The following SLC6A5 variants were observed in gnomAD, a reference collection of about 807,000 sequenced individuals.
The protein encoded by SLC6A5 is sodium- and chloride-dependent glycine transporter 2.
In SLC6A5, 58 loss-of-function variants were observed where a neutral mutation model predicts 90.5. The observed-to-expected ratio is 0.64, with a 90% CI of 0.52 to 0.80. SLC6A5 has a LOEUF of 0.80. Among genes scored for constraint, SLC6A5 ranks in the 30% least tolerant of loss-of-function variants. The pLI, the probability that SLC6A5 is intolerant of heterozygous loss-of-function variation, is 0.00. For missense variants in SLC6A5, 1,015 were observed against 1,017.6 expected (o/e 1.00, Z 0.03); for synonymous variants, 427 against 401.4 (o/e 1.06, Z -0.76).
rs867175745 is a variant in SLC6A5, at chr11:20,603,859, T to C, written c.541-427T>C. On this transcript the variant is annotated intron_variant, in intron 2 of 15. Coordinates refer to ENST00000525748, the MANE Select transcript of SLC6A5 (RefSeq NM_004211.5). ...GGGAGAGGGTTAATTAGGAACCTGC[T>C]TGCTGGGAACTCCAGGCATGATGTT... Among the ~76,000 whole-genome samples the C allele has an allele frequency of 2.4e-4, 36 of 152,190 alleles. 1 individual carries two copies. Among genetic ancestry groups the C allele is most frequent in the Middle Eastern group, 6.8e-3 (2 of 294 alleles).
chr11:20,617,050 G>T (rs1852795848), intron 6 of SLC6A5, among the ~76,000 whole-genome samples: 1 of 152,198 alleles, frequency 6.6e-6, no homozygotes. Context: ...CTTTCCTCAG[G>T]GGTGGGGCTG....
chr11:20,631,376 G>A (rs146174232), intron 10 of SLC6A5, among the ~76,000 whole-genome samples: 2 of 152,328 alleles, frequency 1.3e-5, no homozygotes, highest in East Asian at 3.9e-4. Flanking sequence ...GTTGGATCGT[G>A]CTGGGTGGGT....
chr11:20,607,415 C>T, intron 4 of SLC6A5, 64 bp from the exon 5 acceptor site: 1 of 1,588,860 alleles, frequency 6.3e-7, no homozygotes, highest in Non-Finnish European at 8.6e-7. Flanking sequence ...CCACCCTATG[C>T]CCAACTCTAA....
At chr11:20,641,125 C>T (rs533343211) in intron 13 of SLC6A5, among the ~76,000 whole-genome samples, 18 of 152,178 alleles carry the variant, frequency 1.2e-4, no homozygotes, top group African/African-American at 4.3e-4. Flanking sequence ...TAGAAGTGGT[C>T]CCTTTAGCAG....
chr11:20,629,544 G>A (rs981943823), intron 9 of SLC6A5, among the ~76,000 whole-genome samples: 2 of 152,174 alleles, frequency 1.3e-5, no homozygotes, highest in Non-Finnish European at 2.9e-5. Context: ...TATTTATGGA[G>A]TACAGTATGA....
chr11:20,624,447 C>T (rs376797136), intron 7 of SLC6A5, among the ~76,000 whole-genome samples: 3 of 151,914 alleles, frequency 2.0e-5, no homozygotes, highest in Non-Finnish European at 4.4e-5. Context: ...CCAACGCTCC[C>T]GGCCCCCAAG....
intron 13 of SLC6A5, among the ~76,000 whole-genome samples, chr11:20,643,116 G>A (rs1256908142): frequency 6.6e-6 from 1 of 152,050 alleles, no homozygotes; most frequent in African/African-American, 2.4e-5. Context: ...CTATCATATC[G>A]GTGTCCCCAG....
chr11:20,611,892 G>A (rs945183024), intron 5 of SLC6A5, among the ~76,000 whole-genome samples: 27 of 151,738 alleles, frequency 1.8e-4, no homozygotes, highest in Non-Finnish European at 3.8e-4. Flanking sequence ...CCCTTGCAGG[G>A]GTATTGGTCC....
chr11:20,608,275 C>T (rs146279391), intron 5 of SLC6A5, among the ~76,000 whole-genome samples: 1 of 152,234 alleles, frequency 6.6e-6, no homozygotes, highest in Non-Finnish European at 1.5e-5. Flanking sequence ...AGGGAGTGTT[C>T]CTGGAAGATG....
At chr11:20,642,194 G>A (rs1388937428) in intron 13 of SLC6A5, among the ~76,000 whole-genome samples, 1 of 147,722 alleles carries the variant, frequency 6.8e-6, no homozygotes, top group Non-Finnish European at 1.5e-5. Context: ...GTTCCTCTCT[G>A]AGCACAGAGA....
rs1853619763 is a variant in SLC6A5, at chr11:20,655,118, C to T, written c.*250C>T. Reference sequence around the variant, plus strand: ...GTTTCTGGTCAGGTTGGTCCCCTGACCACACGTTTTACCCTGCAGAGGAGG... The same window carrying T: ...GTTTCTGGTCAGGTTGGTCCCCTGATCACACGTTTTACCCTGCAGAGGAGG... On this transcript the variant is annotated 3_prime_UTR_variant, in exon 16 of 16. Coordinates refer to ENST00000525748, the MANE Select transcript of SLC6A5 (RefSeq NM_004211.5). The T allele has an allele frequency of 2.0e-6, 1 of 510,630 alleles. No individual in the cohort carries two copies. The highest frequency in any genetic ancestry group is 1.9e-5 in the African/African-American group (1 of 52,222). The allele number at this position is 510,630 out of a possible 1,614,324, so 31.6% of individuals were successfully genotyped here.
rs1279834908 is a variant in SLC6A5, at chr11:20,657,485, A to C, written c.*2617A>C. The C allele has an allele frequency of 6.6e-6, 1 of 152,146 alleles. No individual in the cohort carries two copies. The highest frequency in any genetic ancestry group is 1.5e-5 in the Non-Finnish European group (1 of 68,034). 9.4% of individuals were successfully genotyped at this position (152,146 alleles called of 1,614,324 possible). Reference sequence around the variant, plus strand: ...GGTGAAAGGTTCCAAATTTACCTGGAAATGGTTACCTTGTAAATTTAGCTT... The same window carrying C: ...GGTGAAAGGTTCCAAATTTACCTGGCAATGGTTACCTTGTAAATTTAGCTT... On this transcript the variant is annotated 3_prime_UTR_variant, in exon 16 of 16. Transcript: ENST00000525748.
At chr11:20,608,840 G>A (rs3898548) in intron 5 of SLC6A5, among the ~76,000 whole-genome samples, 42,001 of 151,698 alleles carry the variant, frequency 0.28, 5,988 homozygotes, top group South Asian at 0.38. Context: ...CTTCCCTCTC[G>A]CAGACCCAGA....
At chr11:20,608,851 G>A (rs1852632454) in intron 5 of SLC6A5, among the ~76,000 whole-genome samples, 1 of 151,964 alleles carries the variant, frequency 6.6e-6, no homozygotes, top group African/African-American at 2.4e-5. Flanking sequence ...CAGACCCAGA[G>A]AGATGACATT....
chr11:20,626,052 T>C (rs1852987233), intron 7 of SLC6A5, among the ~76,000 whole-genome samples: 1 of 152,244 alleles, frequency 6.6e-6, no homozygotes, highest in African/African-American at 2.4e-5. Context: ...CCTGCTGTTA[T>C]AAATCAGGCA....
intron 13 of SLC6A5, among the ~76,000 whole-genome samples, chr11:20,645,592 C>T (rs1383298222): frequency 6.6e-6 from 1 of 150,666 alleles, no homozygotes; most frequent in Non-Finnish European, 1.5e-5. Context: ...CTGCAGGTAC[C>T]CACTTTTCAT....
In SLC6A5 at chr11:20,601,640, G is replaced by A; in HGVS notation, c.515G>A (p.Gly172Asp). The change falls in exon 2 of 16, where the codon GGC becomes GAC. Residue 172 changes from glycine (G) to aspartate (D), a missense_variant. Physicochemically the swap from Gly to Asp is moderately conservative, Grantham distance 94. Coordinates refer to ENST00000525748, the MANE Select transcript of SLC6A5 (RefSeq NM_004211.5). ...ATDGITSVLPGSVATVATQED... is the reference protein window; with the variant it reads ...ATDGITSVLPDSVATVATQED... ...GATGGAATCACGTCCGTGCTCCCGGGCAGCGTGGCCACCGTTGCCACCCAG... is the reference window on the plus strand; with the variant it reads ...GATGGAATCACGTCCGTGCTCCCGGACAGCGTGGCCACCGTTGCCACCCAG... 6.2e-7 allele frequency: 1 copy of A among 1,613,966 alleles called. No individual in the cohort carries two copies. The highest frequency in any genetic ancestry group is 8.5e-7 in the Non-Finnish European group (1 of 1,179,982).
chr11:20,652,200 A>T (rs1369934297), intron 14 of SLC6A5, 89 bp from the exon 15 acceptor site: 2 of 1,209,404 alleles, frequency 1.7e-6, no homozygotes, highest in African/African-American at 3.0e-5. Flanking sequence ...AGACGAAAGC[A>T]TCAAACTCAT....
At chr11:20,653,481 G>C (rs1300405108) in intron 15 of SLC6A5, among the ~76,000 whole-genome samples, 1 of 152,170 alleles carries the variant, frequency 6.6e-6, no homozygotes, top group African/African-American at 2.4e-5. Flanking sequence ...GAATGAAGAA[G>C]GAACAGGCCT....
Sources: allele counts gnomAD v4.1 joint callset (sites outside exome capture counted in the v4.1 genomes callset), GRCh38; gene constraint gnomAD v4.1.1; transcripts MANE v1.5; gene names NCBI Gene and HGNC (gene_info 2026-07-23, HGNC 2026-07-21).